Variants in SPAG16 observed in about 807,000 individuals in gnomAD.
SPAG16 encodes the protein sperm-associated antigen 16 protein.
SPAG16 carries 86 observed loss-of-function variants against 80.4 expected under a neutral mutation model. The observed-to-expected ratio is 1.07, with a 90% CI of 0.90 to 1.28. The LOEUF (loss-of-function observed/expected upper bound fraction) is 1.28, where lower values mean the gene tolerates loss of function less well. Among genes scored for constraint, SPAG16 ranks in the 50% most tolerant of loss-of-function variants. SPAG16 has a pLI of 0.00. For synonymous variants in SPAG16, 294 were observed against 265.9 expected (o/e 1.11, Z -1.03); for missense variants, 870 against 765.3 (o/e 1.14, Z -1.61).
At chr2:213,747,988 A>G (rs913074092) in intron 10 of SPAG16, among the ~76,000 whole-genome samples, 2 of 152,324 alleles carry the variant, frequency 1.3e-5, no homozygotes, top group Middle Eastern at 3.4e-3. Flanking sequence ...ATAGCAATTA[A>G]TTTATTCAAG....
At chr2:213,515,541 CT>C (rs1229850642) in intron 10 of SPAG16, among the ~76,000 whole-genome samples, 1 of 152,122 alleles carries the variant, frequency 6.6e-6, no homozygotes, top group Non-Finnish European at 1.5e-5. Flanking sequence ...ATATTATCTG[CT>C]TTTTAAAATG....
intron 6 of SPAG16, 123 bp downstream of exon 6, chr2:213,340,393 G>T (rs2064622014): frequency 9.9e-6 from 7 of 705,722 alleles, no homozygotes; most frequent in South Asian, 7.2e-5. Context: ...AGATGAGTAA[G>T]TTGCGACCCT....
At chr2:214,178,508 G>A (rs1278224386) in intron 15 of SPAG16, among the ~76,000 whole-genome samples, 1 of 151,194 alleles carries the variant, frequency 6.6e-6, no homozygotes, top group East Asian at 1.9e-4. Context: ...TTGCTAACAA[G>A]AAATAAAAAC....
intron 8 of SPAG16, among the ~76,000 whole-genome samples, chr2:213,368,655 T>G (rs1289515630): frequency 1.3e-5 from 2 of 152,170 alleles, no homozygotes; most frequent in Non-Finnish European, 2.9e-5. Context: ...TGATTGTATA[T>G]TTAGAAAACC....
intron 13 of SPAG16, among the ~76,000 whole-genome samples, chr2:214,048,700 A>C (rs1231103285): frequency 6.6e-6 from 1 of 152,174 alleles, no homozygotes; most frequent in Non-Finnish European, 1.5e-5. Flanking sequence ...AAAATAACTG[A>C]AGGAGTATAA....
intron 15 of SPAG16, among the ~76,000 whole-genome samples, chr2:214,189,557 A>G (rs1314163742): frequency 6.6e-6 from 1 of 152,044 alleles, no homozygotes. Flanking sequence ...TAAGGGCTTG[A>G]ATTGGGAGAA....
chr2:213,310,317 A>G lies in SPAG16; in HGVS notation c.398+140A>G, dbSNP rs1575152777. On this transcript the variant is annotated intron_variant, in intron 4 of 15. Transcript: ENST00000331683. ...TTTTCCCATCTCCAGCCCTGAAACC[A>G]CAACACACACACACACACACACACA... 6 of 450,788 alleles carry G rather than the reference A, an allele frequency of 1.3e-5. No individual in the cohort carries two copies. The East Asian group carries it at 2.4e-4, about 18-fold the overall frequency. 27.9% of individuals were successfully genotyped at this position (450,788 alleles called of 1,614,324 possible).
intron 10 of SPAG16, among the ~76,000 whole-genome samples, chr2:213,634,674 G>A (rs778846479): frequency 5.9e-5 from 9 of 152,116 alleles, no homozygotes; most frequent in Non-Finnish European, 1.3e-4. Flanking sequence ...CTTTAGTGGT[G>A]ATTTTTGAAA....
chr2:214,042,041 A>C (rs1443461562), intron 13 of SPAG16, among the ~76,000 whole-genome samples: 2 of 144,842 alleles, frequency 1.4e-5, no homozygotes, highest in Non-Finnish European at 3.0e-5. Context: ...CAAACATGTA[A>C]TAAGTGTACC....
chr2:214,008,243 T>G (rs189778823), intron 12 of SPAG16, among the ~76,000 whole-genome samples: 169 of 152,280 alleles, frequency 1.1e-3, no homozygotes, highest in African/African-American at 3.7e-3. Flanking sequence ...AGTTACCTTC[T>G]GAGATTCTCT....
chr2:214,101,503 AGAG>A (rs780751559), intron 13 of SPAG16, among the ~76,000 whole-genome samples: 29 of 151,984 alleles, frequency 1.9e-4, no homozygotes, highest in Non-Finnish European at 3.4e-4. Flanking sequence ...GAAGAGCCTG[AGAG>A]GAGTATTCTA....
chr2:213,674,395 T>A (rs1574750540), intron 10 of SPAG16, among the ~76,000 whole-genome samples: 1 of 150,426 alleles, frequency 6.6e-6, no homozygotes, highest in East Asian at 1.9e-4. Flanking sequence ...TATTTTTTAT[T>A]ATTATACTTT....
Position 214,367,077 on chromosome 2 carries a change from G to C in SPAG16, c.1721-43063G>C, listed in dbSNP as rs78691470. ...AGGAGGGTTCCTGTGGGGAATTAGT[G>C]GGGGACAGGATTGGAAAGTTGGCAG... On this transcript the variant is annotated intron_variant, in intron 15 of 15. Coordinates refer to ENST00000331683, the MANE Select transcript of SPAG16 (RefSeq NM_024532.5). 9.5e-3 allele frequency among the ~76,000 whole-genome samples: 1,448 copies of C among 152,226 alleles called. 25 individuals carry two copies. The highest frequency in any genetic ancestry group is 0.033 in the African/African-American group (1,368 of 41,536).
chr2:213,835,940 A>G (rs1275197919), intron 10 of SPAG16, among the ~76,000 whole-genome samples: 1 of 152,146 alleles, frequency 6.6e-6, no homozygotes, highest in Non-Finnish European at 1.5e-5. Context: ...AAATAAAGGA[A>G]ATTGAACCTA....
chr2:213,549,267 A>T (rs2076711600), intron 10 of SPAG16, among the ~76,000 whole-genome samples: 1 of 152,084 alleles, frequency 6.6e-6, no homozygotes, highest in Non-Finnish European at 1.5e-5. Flanking sequence ...CTATTTAAAA[A>T]TTTTCTCTTA....
intron 10 of SPAG16, among the ~76,000 whole-genome samples, chr2:213,642,305 T>C (rs7569738): frequency 0.41 from 62,873 of 152,048 alleles, 13,594 homozygotes; most frequent in Middle Eastern, 0.53. Context: ...AATCTCCACA[T>C]GCTAGTTCTG....
chr2:214,208,352 C>CT (rs1253235114), intron 15 of SPAG16, among the ~76,000 whole-genome samples: 1 of 152,064 alleles, frequency 6.6e-6, no homozygotes, highest in Admixed American at 6.6e-5. Flanking sequence ...TTTGGAGTTT[C>CT]TGGAGTTCTC....
rs192609276 is a variant in SPAG16 at position 213,332,705 on chromosome 2, C to T, written c.537-7458C>T. ...CCAAGTGGGAATTATTCCAGGGATGCAAGGATGATTCAACATATGCAAGTT... is the reference window on the plus strand; with the variant it reads ...CCAAGTGGGAATTATTCCAGGGATGTAAGGATGATTCAACATATGCAAGTT... On this transcript the variant is annotated intron_variant, in intron 5 of 15. Transcript: ENST00000331683. 4.8e-3 allele frequency among the ~76,000 whole-genome samples: 727 copies of T among 152,186 alleles called. 4 individuals are homozygous for T. The highest frequency in any genetic ancestry group is 8.3e-3 in the Non-Finnish European group (563 of 67,970).
At chr2:213,409,474 A>G (rs1280227685) in intron 9 of SPAG16, among the ~76,000 whole-genome samples, 5 of 152,208 alleles carry the variant, frequency 3.3e-5, no homozygotes, top group Non-Finnish European at 5.9e-5. Context: ...CATACTCGCT[A>G]AAGTTAAAGA....
Sources: allele counts gnomAD v4.1 joint callset (sites outside exome capture counted in the v4.1 genomes callset), GRCh38; gene constraint gnomAD v4.1.1; transcripts MANE v1.5; gene names NCBI Gene and HGNC (gene_info 2026-07-23, HGNC 2026-07-21).